Variants in TLN2 observed in about 807,000 individuals in gnomAD.
TLN2 encodes talin 2.
TLN2 carries 118 observed loss-of-function variants against 294.7 expected under a neutral mutation model. The observed-to-expected ratio is 0.40, with a 90% CI of 0.34 to 0.47. The LOEUF (loss-of-function observed/expected upper bound fraction) is 0.47, where lower values mean the gene tolerates loss of function less well. Among genes scored for constraint, TLN2 ranks in the 20% least tolerant of loss-of-function variants. TLN2 has a pLI of 0.84. For synonymous variants in TLN2, 1,431 were observed against 1,304.5 expected (o/e 1.10, Z -2.09); for missense variants, 3,083 against 3,282.2 (o/e 0.94, Z 1.48).
At chr15:62,468,606 G>T (rs371168204) in intron 1 of TLN2, among the ~76,000 whole-genome samples, 1 of 152,016 alleles carries the variant, frequency 6.6e-6, no homozygotes, top group South Asian at 2.1e-4. Flanking sequence ...TTAGCCGGGT[G>T]TGGTGGCGGG....
intron 55 of TLN2, chr15:62,834,516 C>T (rs2069254132): frequency 1.3e-5 from 2 of 152,208 alleles, no homozygotes; most frequent in African/African-American, 4.8e-5. Context: ...ATAGGCTGTA[C>T]ATCTTCTTCC....
At chr15:62,621,272 A>G (rs1364134418) in intron 3 of TLN2, among the ~76,000 whole-genome samples, 1 of 152,202 alleles carries the variant, frequency 6.6e-6, no homozygotes, top group Non-Finnish European at 1.5e-5. Flanking sequence ...AAACCCTGCA[A>G]AGGATGCAGG....
At chr15:62,809,282 G>A (rs73439601) in intron 51 of TLN2, among the ~76,000 whole-genome samples, 17,170 of 152,186 alleles carry the variant, frequency 0.11, 1,114 homozygotes, top group South Asian at 0.2. Flanking sequence ...TTAGCAGGTC[G>A]TAAGTACAAG....
intron 56 of TLN2, 31 bp downstream of exon 56, chr15:62,835,830 C>CT (rs755659820): frequency 5.0e-6 from 8 of 1,614,104 alleles, no homozygotes; most frequent in Non-Finnish European, 6.8e-6. Context: ...TCCCAGTTTG[C>CT]TTTTGGGGTC....
intron 1 of TLN2, among the ~76,000 whole-genome samples, chr15:62,424,850 AC>A (rs2034612704): frequency 2.3e-5 from 3 of 132,408 alleles, no homozygotes; most frequent in African/African-American, 2.9e-5. Context: ...GTGGGGTTTC[AC>A]TGTGTTGGCC....
intron 54 of TLN2, among the ~76,000 whole-genome samples, chr15:62,825,813 TTATAA>T (rs1366824572): frequency 6.3e-4 from 2 of 3,188 alleles, no homozygotes; most frequent in African/African-American, 7.6e-4. Context: ...ATATATTATA[TTATAA>T]TATATATTAT....
At chr15:62,653,476 A>G (rs1471041389) in intron 7 of TLN2, among the ~76,000 whole-genome samples, 162 bp downstream of exon 7, 1 of 152,168 alleles carries the variant, frequency 6.6e-6, no homozygotes, top group Non-Finnish European at 1.5e-5. Flanking sequence ...CTATAATCCC[A>G]GTATTTTGGG....
At chr15:62,839,667 G>A (rs933734443) in intron 58 of TLN2, among the ~76,000 whole-genome samples, 10 of 152,168 alleles carry the variant, frequency 6.6e-5, no homozygotes, top group Non-Finnish European at 1.0e-4. Context: ...TTATTTATCC[G>A]CATCAGGAGC....
chr15:62,475,326 A>G (rs1206912047), intron 1 of TLN2, among the ~76,000 whole-genome samples: 1 of 152,216 alleles, frequency 6.6e-6, no homozygotes, highest in Admixed American at 6.5e-5. Context: ...TTTCTAGCTG[A>G]AGGACACCTG....
chr15:62,641,403 G>A lies in TLN2; in HGVS notation c.-36-5872G>A, dbSNP rs189187608. ...AGGCCAAGGCAGGTGGATCACTTGAGGTTGGGAGTTTGAGACCAGCCTGGC... is the reference window on the plus strand; with the variant it reads ...AGGCCAAGGCAGGTGGATCACTTGAAGTTGGGAGTTTGAGACCAGCCTGGC... On this transcript the variant is annotated intron_variant, in intron 3 of 58. Transcript: ENST00000636159. 7.9e-3 allele frequency among the ~76,000 whole-genome samples: 1,198 copies of A among 152,148 alleles called. 9 individuals are homozygous for A. Among genetic ancestry groups the A allele is most frequent in the Non-Finnish European group, 0.014 (959 of 68,002 alleles).
At chr15:62,439,522 A>G (rs1595806601) in intron 1 of TLN2, among the ~76,000 whole-genome samples, 1 of 152,172 alleles carries the variant, frequency 6.6e-6, no homozygotes, top group African/African-American at 2.4e-5. Flanking sequence ...CATGTTGGCC[A>G]GGCTGGTCTC....
intron 54 of TLN2, chr15:62,831,497 T>C (rs1438486726): frequency 1.3e-5 from 2 of 151,822 alleles, no homozygotes; most frequent in Non-Finnish European, 2.9e-5. Context: ...TATATATAAA[T>C]TAGAGCCTAC....
At chr15:62,831,280 G>C (rs1461414486) in intron 54 of TLN2, 1 of 152,044 alleles carries the variant, frequency 6.6e-6, no homozygotes, top group South Asian at 2.1e-4. Context: ...AGGCAAGAGC[G>C]TGAGAGACTT....
intron 3 of TLN2, among the ~76,000 whole-genome samples, chr15:62,628,509 G>T (rs747812859): frequency 1.3e-5 from 2 of 152,180 alleles, no homozygotes; most frequent in Non-Finnish European, 2.9e-5. Context: ...TTACAGTAGA[G>T]ATTATATGCT....
chr15:62,439,162 G>T (rs545540867), intron 1 of TLN2, among the ~76,000 whole-genome samples: 2 of 152,262 alleles, frequency 1.3e-5, no homozygotes, highest in Non-Finnish European at 2.9e-5. Flanking sequence ...GGCAGACATC[G>T]CTAGAAGATT....
At chr15:62,682,185 G>A (rs552679320) in intron 11 of TLN2, among the ~76,000 whole-genome samples, 3 of 152,326 alleles carry the variant, frequency 2.0e-5, no homozygotes, top group African/African-American at 4.8e-5. Context: ...TAGTATGAAA[G>A]CAGCCATAGG....
chr15:62,604,622 G>C (rs926947004), intron 2 of TLN2, among the ~76,000 whole-genome samples: 1 of 151,316 alleles, frequency 6.6e-6, no homozygotes, highest in African/African-American at 2.4e-5. Context: ...GGTTCAGGAG[G>C]GTGTTGGTGG....
chr15:62,670,155 A>G (rs1440654133), intron 9 of TLN2, among the ~76,000 whole-genome samples: 2 of 152,206 alleles, frequency 1.3e-5, no homozygotes, highest in African/African-American at 4.8e-5. Flanking sequence ...AGGGCTTGAC[A>G]TGGAGCCCTT....
intron 3 of TLN2, among the ~76,000 whole-genome samples, chr15:62,642,328 A>G (rs2051215104): frequency 6.6e-6 from 1 of 152,286 alleles, no homozygotes; most frequent in South Asian, 2.1e-4. Context: ...GACTATAACA[A>G]CACTGCAAGA....
Sources: allele counts gnomAD v4.1 joint callset (sites outside exome capture counted in the v4.1 genomes callset), GRCh38; gene constraint gnomAD v4.1.1; transcripts MANE v1.5; gene names NCBI Gene and HGNC (gene_info 2026-07-23, HGNC 2026-07-21).